The following RANBP10 variants were observed in gnomAD, a reference collection of about 807,000 sequenced individuals.
The protein encoded by RANBP10 is RAN binding protein 10.
RANBP10 carries 24 observed loss-of-function variants against 72.8 expected under a neutral mutation model. That is an observed-to-expected ratio of 0.33 (90% CI 0.24 to 0.46). RANBP10 has a LOEUF of 0.46. Ranked by LOEUF, RANBP10 falls within the 20% of genes least tolerant of loss-of-function variation. The pLI, the probability that RANBP10 is intolerant of heterozygous loss-of-function variation, is 1.00. For missense variants in RANBP10, 679 were observed against 817.5 expected (o/e 0.83, Z 2.07); for synonymous variants, 310 against 322.3 (o/e 0.96, Z 0.41).
At chr16:67,747,970 G>A (rs1458506016) in intron 3 of RANBP10, among the ~76,000 whole-genome samples, 4 of 150,860 alleles carry the variant, frequency 2.7e-5, no homozygotes, top group Admixed American at 6.6e-5. Context: ...ACAGGCGCCC[G>A]CCACCATGCC....
Position 67,726,159 on chromosome 16 carries a change from C to A in RANBP10, c.*269G>T, listed in dbSNP as rs1010987456. 9 of 386,506 alleles carry A rather than the reference C, an allele frequency of 2.3e-5. No homozygotes were observed. The highest frequency in any genetic ancestry group is 1.9e-4 in the African/African-American group (9 of 47,568). 23.9% of individuals were successfully genotyped at this position (386,506 alleles called of 1,614,324 possible). On this transcript the variant is annotated 3_prime_UTR_variant, in exon 14 of 14. Coordinates refer to ENST00000317506, the MANE Select transcript of RANBP10 (RefSeq NM_020850.3). ...CCAACCCCTCCTCAAAACAAAACCC[C>A]CCTTTCAAAATAGAAGGCGCTACAT...
intron 1 of RANBP10, 39 bp from the exon 2 acceptor site, chr16:67,805,578 A>G (rs1178598968): frequency 6.4e-7 from 1 of 1,553,918 alleles, no homozygotes; most frequent in Non-Finnish European, 8.8e-7. Flanking sequence ...CAGCAGAAGG[A>G]AATGCAAATG....
intron 5 of RANBP10, among the ~76,000 whole-genome samples, chr16:67,737,396 G>T (rs910828654): frequency 1.3e-5 from 2 of 151,724 alleles, no homozygotes; most frequent in African/African-American, 4.8e-5. Flanking sequence ...TAGAGACAGG[G>T]TTTCACCCTG....
chr16:67,760,099 C>CAAA (rs56244298), intron 3 of RANBP10, among the ~76,000 whole-genome samples: 2 of 98,936 alleles, frequency 2.0e-5, no homozygotes, highest in Non-Finnish European at 4.6e-5. Flanking sequence ...GACTCCGTCT[C>CAAA]AAAAAAAAAA....
intron 2 of RANBP10, among the ~76,000 whole-genome samples, chr16:67,776,212 C>T (rs1373815421): frequency 6.6e-6 from 1 of 151,684 alleles, no homozygotes; most frequent in African/African-American, 2.4e-5. Flanking sequence ...GTAATCCCAG[C>T]ACTTTGGGAG....
At chr16:67,783,728 G>C (rs2054855788) in intron 2 of RANBP10, among the ~76,000 whole-genome samples, 2 of 152,116 alleles carry the variant, frequency 1.3e-5, no homozygotes, top group African/African-American at 4.8e-5. Flanking sequence ...GAAGACCCTG[G>C]AACAGCAATC....
chr16:67,737,957 C>T, intron 5 of RANBP10, 56 bp downstream of exon 5: 2 of 1,546,558 alleles, frequency 1.3e-6, no homozygotes, highest in Non-Finnish European at 1.8e-6. Context: ...CCACCGTGCC[C>T]CATCCCAGTC....
chr16:67,769,425 C>T (rs1237090309), intron 3 of RANBP10, among the ~76,000 whole-genome samples: 7 of 117,474 alleles, frequency 6.0e-5, no homozygotes, highest in East Asian at 2.4e-4. Flanking sequence ...CCCTGGGAAA[C>T]GAAGCAAGAC....
chr16:67,765,224 A>C (rs1310693113), intron 3 of RANBP10, among the ~76,000 whole-genome samples: 3 of 150,838 alleles, frequency 2.0e-5, no homozygotes, highest in Non-Finnish European at 3.0e-5. Context: ...AAAAAAAAAA[A>C]AAAACATTAA....
chr16:67,800,153 A>T (rs2055209288), intron 2 of RANBP10, among the ~76,000 whole-genome samples: 1 of 152,050 alleles, frequency 6.6e-6, no homozygotes, highest in Non-Finnish European at 1.5e-5. Flanking sequence ...ACCAAAAAAA[A>T]AAAACAATGG....
intron 2 of RANBP10, among the ~76,000 whole-genome samples, chr16:67,794,523 C>A (rs1597919700): frequency 7.6e-6 from 1 of 130,964 alleles, no homozygotes; most frequent in Admixed American, 8.0e-5. Flanking sequence ...CCAACATATT[C>A]TTTTTTTTTT....
chr16:67,737,385 G>A (rs936022784), intron 5 of RANBP10, among the ~76,000 whole-genome samples: 2 of 151,694 alleles, frequency 1.3e-5, no homozygotes, highest in African/African-American at 2.4e-5. Context: ...TGTATTTTTA[G>A]TAGAGACAGG....
chr16:67,786,772 C>T (rs1478266342), intron 2 of RANBP10, among the ~76,000 whole-genome samples: 1 of 151,132 alleles, frequency 6.6e-6, no homozygotes, highest in Non-Finnish European at 1.5e-5. Flanking sequence ...ACTAAAAATA[C>T]AAAAATCAGC....
intron 3 of RANBP10, among the ~76,000 whole-genome samples, chr16:67,766,642 G>A (rs569559282): frequency 4.8e-4 from 73 of 152,182 alleles, no homozygotes; most frequent in Non-Finnish European, 8.1e-4. Context: ...CTCACCAGAA[G>A]CAGATGCTGG....
intron 2 of RANBP10, among the ~76,000 whole-genome samples, chr16:67,784,044 C>CAAAAAAAAA (rs747315565): frequency 2.0e-5 from 1 of 50,320 alleles, no homozygotes. Context: ...GACTCCGTCT[C>CAAAAAAAAA]AAAAAAAAAA....
At chr16:67,795,255 A>G (rs2055108552) in intron 2 of RANBP10, among the ~76,000 whole-genome samples, 3 of 151,874 alleles carry the variant, frequency 2.0e-5, no homozygotes. Flanking sequence ...AAAAAAATAA[A>G]TAGGCTGGGT....
At chr16:67,768,445 C>T (rs2054544832) in intron 3 of RANBP10, among the ~76,000 whole-genome samples, 1 of 151,804 alleles carries the variant, frequency 6.6e-6, no homozygotes, top group Non-Finnish European at 1.5e-5. Flanking sequence ...AGCTTGAACC[C>T]GGGAGGTGGA....
chr16:67,753,664 G>A (rs1567689325), intron 3 of RANBP10, among the ~76,000 whole-genome samples: 1 of 152,192 alleles, frequency 6.6e-6, no homozygotes, highest in African/African-American at 2.4e-5. Flanking sequence ...TATGAACTCA[G>A]CATGTCTGAG....
At position 67,744,464 on chromosome 16, in the gene RANBP10, GAA is replaced by G. The variant is rs2054030677; in HGVS notation, c.401-11_401-10del. ...GGAATGTTTGTCCCAACCTGTGGGG[GAA>G]GAGAGCAGCAATAACTGAGTAGGTA... On this transcript the variant is annotated splice_polypyrimidine_tract_variant and intron_variant, in intron 3 of 13. Transcript: ENST00000317506. The G allele has an allele frequency of 3.1e-6, 5 of 1,609,258 alleles. No individual in the cohort carries two copies. In the East Asian group the frequency reaches 1.1e-4, roughly 36 times the overall value.
Sources: gnomAD v4.1 joint callset for allele counts (sites outside exome capture counted in the v4.1 genomes callset) on GRCh38, gnomAD v4.1.1 for gene constraint, MANE v1.5 for transcripts, NCBI Gene and HGNC (gene_info 2026-07-23, HGNC 2026-07-21) for gene names.